Variants in PCDHA9 observed in about 807,000 individuals in gnomAD.
PCDHA9 encodes the protein protocadherin alpha 9, also known as protocadherin alpha-9.
In PCDHA9, 62 loss-of-function variants were observed where a neutral mutation model predicts 62.0. That is an observed-to-expected ratio of 1.00 (90% CI 0.81 to 1.23). PCDHA9 has a LOEUF of 1.23. Among genes scored for constraint, PCDHA9 ranks in the 50% most tolerant of loss-of-function variants. The pLI is 0.00. For synonymous variants in PCDHA9, 557 were observed against 567.6 expected (o/e 0.98, Z 0.27); for missense variants, 1,205 against 1,249.8 (o/e 0.96, Z 0.54).
chr5:140,965,794 C>T (rs1554227851), intron 1 of PCDHA9, among the ~76,000 whole-genome samples: 1 of 152,170 alleles, frequency 6.6e-6, no homozygotes, highest in Non-Finnish European at 1.5e-5. Flanking sequence ...TTCATGGAGA[C>T]TATTTTTTTA....
At position 140,852,858 on chromosome 5, in the gene PCDHA9, A is replaced by G; in HGVS notation, c.2394+1969A>G. ...TAGAGCTAGTACTTACTAAGCATTT[A>G]CTATGTCATCAATAATCATAAAACG... On this transcript the variant is annotated intron_variant, in intron 1 of 3. Transcript: ENST00000532602. 4 of 962,678 alleles carry G rather than the reference A, an allele frequency of 4.2e-6. 1 individual carries two copies. The highest frequency in any genetic ancestry group is 5.0e-6 in the Non-Finnish European group (4 of 796,824). The allele number at this position is 962,678 out of a possible 1,614,324, so 59.6% of individuals were successfully genotyped here. A position where few individuals can be genotyped will look rare whatever the true frequency, so the allele number is the denominator to read the frequency against.
rs781883324 is a variant in PCDHA9 at position 140,927,514 on chromosome 5, G to A, written c.2395-51435G>A. 3.2e-5 allele frequency: 52 copies of A among 1,613,938 alleles called. No individual in the cohort carries two copies. The highest frequency in any genetic ancestry group is 4.2e-5 in the Non-Finnish European group (49 of 1,180,040). ...CCTGCTGGTGCTTACAGCTCGGGAC[G>A]GCGGGCTACCTGCCCGCTCAGGAGA... On this transcript the variant is annotated intron_variant, in intron 1 of 3. Coordinates refer to ENST00000532602, the MANE Select transcript of PCDHA9 (RefSeq NM_031857.2).
At chr5:140,928,115 T>A (rs2084949063) in intron 1 of PCDHA9, 1 of 1,614,164 alleles carries the variant, frequency 6.2e-7, no homozygotes, top group East Asian at 2.2e-5. Flanking sequence ...CGGGAGCAGA[T>A]CAGTGAATAC....
intron 1 of PCDHA9, chr5:140,859,996 T>A (rs181986889): frequency 4.7e-4 from 71 of 152,116 alleles, no homozygotes; most frequent in Non-Finnish European, 8.7e-4. Context: ...TCTCCATCAA[T>A]ACTAACTTAA....
chr5:140,858,323 G>A, intron 1 of PCDHA9: 2 of 1,596,704 alleles, frequency 1.3e-6, no homozygotes, highest in Non-Finnish European at 1.7e-6. Context: ...GGTGTGTTCT[G>A]GGGAGGGCCT....
At chr5:140,884,622 G>A (rs781857198) in intron 1 of PCDHA9, 1 of 1,613,948 alleles carries the variant, frequency 6.2e-7, no homozygotes, top group Non-Finnish European at 8.5e-7. Context: ...TCTGCAGAGG[G>A]AACAGGCCAG....
At chr5:140,925,408 G>C (rs2082482597) in intron 1 of PCDHA9, among the ~76,000 whole-genome samples, 1 of 152,058 alleles carries the variant, frequency 6.6e-6, no homozygotes, top group Non-Finnish European at 1.5e-5. Flanking sequence ...TCCTTCTTAG[G>C]GAAAGGAACT....
In PCDHA9 at chr5:140,874,972, G is replaced by A. The variant is rs2055201149; in HGVS notation, c.2394+24083G>A. On this transcript the variant is annotated intron_variant, in intron 1 of 3. Coordinates refer to ENST00000532602, the MANE Select transcript of PCDHA9 (RefSeq NM_031857.2). ...TTGTAAGCTATATAAGGGGAGGGGT[G>A]CTGTATATTATTCTGTATATCATTT... 2.6e-5 allele frequency among the ~76,000 whole-genome samples: 4 copies of A among 152,186 alleles called. No homozygotes were observed. In the South Asian group the frequency reaches 6.2e-4, roughly 24 times the overall value.
intron 1 of PCDHA9, among the ~76,000 whole-genome samples, chr5:140,888,151 CT>C (rs1247816625): frequency 4.6e-5 from 7 of 152,106 alleles, no homozygotes; most frequent in Non-Finnish European, 8.8e-5. Context: ...TTTTGCATGA[CT>C]GGTAATCTCT....
intron 1 of PCDHA9, among the ~76,000 whole-genome samples, chr5:140,944,656 C>A (rs782213712): frequency 1.3e-5 from 2 of 152,016 alleles, no homozygotes; most frequent in Admixed American, 6.6e-5. Flanking sequence ...GAGTCCATAC[C>A]CCTTATTTAT....
chr5:140,881,488 AT>A (rs1193131425), intron 1 of PCDHA9: 4 of 334,526 alleles, frequency 1.2e-5, no homozygotes, highest in African/African-American at 8.9e-5. Flanking sequence ...TATTGTGTTT[AT>A]GCACATACAC....
intron 1 of PCDHA9, among the ~76,000 whole-genome samples, chr5:140,945,201 T>C (rs1168662297): frequency 2.6e-5 from 4 of 152,054 alleles, no homozygotes; most frequent in Non-Finnish European, 5.9e-5. Flanking sequence ...CTATTTACAA[T>C]AGCTATGAGA....
Position 140,882,272 on chromosome 5 carries a change from C to G in PCDHA9, c.2394+31383C>G, listed in dbSNP as rs782377951. On this transcript the variant is annotated intron_variant, in intron 1 of 3. Transcript: ENST00000532602. ...TCTGAGGTTTTTGGAGTGTACCATG[C>G]TGTCTTCCTGGCAAGGAGGCCCAAG... The G allele has an allele frequency of 5.0e-6, 8 of 1,611,430 alleles. No individual in the cohort carries two copies. The highest frequency in any genetic ancestry group is 6.8e-6 in the Non-Finnish European group (8 of 1,178,456).
intron 1 of PCDHA9, among the ~76,000 whole-genome samples, chr5:140,908,777 TCTC>T (rs2074149319): frequency 6.6e-6 from 1 of 152,144 alleles, no homozygotes; most frequent in African/African-American, 2.4e-5. Flanking sequence ...TGTAGAGTCT[TCTC>T]CTGTTCTGTA....
chr5:140,909,011 T>G (rs998704146), intron 1 of PCDHA9, among the ~76,000 whole-genome samples: 1 of 152,170 alleles, frequency 6.6e-6, no homozygotes, highest in Non-Finnish European at 1.5e-5. Flanking sequence ...AGGTAGAAGG[T>G]TCCTGAATTT....
At position 141,010,163 on chromosome 5, in the gene PCDHA9, C is replaced by T; in HGVS notation, c.*226C>T. Reference sequence around the variant, plus strand: ...CTTTCTCTCCACTCTGGCTTGTTTTCAGAACCTAAAAAGCAGACCCAAGTT... The same window carrying T: ...CTTTCTCTCCACTCTGGCTTGTTTTTAGAACCTAAAAAGCAGACCCAAGTT... On this transcript the variant is annotated 3_prime_UTR_variant, in exon 4 of 4. Transcript: ENST00000532602. 1 of 1,565,826 alleles carries T rather than the reference C, an allele frequency of 6.4e-7. No homozygotes were observed. The highest frequency in any genetic ancestry group is 8.7e-7 in the Non-Finnish European group (1 of 1,154,220).
chr5:140,961,114 A>G (rs2095591473), intron 1 of PCDHA9, among the ~76,000 whole-genome samples: 1 of 152,212 alleles, frequency 6.6e-6, no homozygotes, highest in African/African-American at 2.4e-5. Flanking sequence ...ACCCCCTTGC[A>G]TCTTAATGTC....
At chr5:140,976,594 T>C (rs2096724606) in intron 1 of PCDHA9, among the ~76,000 whole-genome samples, 1 of 152,146 alleles carries the variant, frequency 6.6e-6, no homozygotes, top group Non-Finnish European at 1.5e-5. Flanking sequence ...ACTTTTGTGT[T>C]AAGGGGACCT....
intron 1 of PCDHA9, among the ~76,000 whole-genome samples, chr5:140,890,921 T>G (rs1165166836): frequency 6.6e-6 from 1 of 152,222 alleles, no homozygotes; most frequent in Non-Finnish European, 1.5e-5. Flanking sequence ...ATTTGAGAGT[T>G]TCCTTTAGTC....
Sources: gnomAD v4.1 joint callset for allele counts (sites outside exome capture counted in the v4.1 genomes callset) on GRCh38, gnomAD v4.1.1 for gene constraint, MANE v1.5 for transcripts, NCBI Gene and HGNC (gene_info 2026-07-23, HGNC 2026-07-21) for gene names.